The following UTP25 variants were observed in gnomAD, a reference collection of about 807,000 sequenced individuals.
UTP25 encodes U3 small nucleolar RNA-associated protein 25 homolog.
UTP25 carries 50 observed loss-of-function variants against 78.9 expected under a neutral mutation model. The observed-to-expected ratio is 0.63, with a 90% CI of 0.50 to 0.80. The LOEUF is 0.80. Among genes scored for constraint, UTP25 ranks in the 30% least tolerant of loss-of-function variants. UTP25 has a pLI of 0.00. For missense variants in UTP25, 846 were observed against 911.3 expected, an observed-to-expected ratio of 0.93 and a Z score of 0.92; for synonymous variants, 329 against 336.5, an observed-to-expected ratio of 0.98 and a Z score of 0.24.
At chr1:209,843,774 G>T in intron 11 of UTP25, 78 bp downstream of exon 11, 2 of 1,530,150 alleles carry the variant, frequency 1.3e-6, no homozygotes, top group Non-Finnish European at 8.8e-7. Context: ...TGAATGCATG[G>T]CAGGCTTCGT....
intron 3 of UTP25, among the ~76,000 whole-genome samples, 159 bp downstream of exon 3, chr1:209,831,202 A>G (rs1228019960): frequency 6.6e-6 from 1 of 152,218 alleles, no homozygotes; most frequent in African/African-American, 2.4e-5. Flanking sequence ...TGAGAATCTG[A>G]TGGAAACACA....
Position 209,853,899 on chromosome 1 carries a change from G to A in UTP25, c.*2452G>A, listed in dbSNP as rs2078255659. The A allele has an allele frequency of 6.6e-6, 1 of 152,206 alleles. No individual in the cohort carries two copies. Among genetic ancestry groups the A allele is most frequent in the African/African-American group, 2.4e-5 (1 of 41,434 alleles). The allele number at this position is 152,206 out of a possible 1,614,324, so 9.4% of individuals were successfully genotyped here. A position where few individuals can be genotyped will look rare whatever the true frequency, so the allele number is the denominator to read the frequency against. On this transcript the variant is annotated 3_prime_UTR_variant, in exon 12 of 12. Transcript: ENST00000491415. ...CCCAGCCAACTGCTTCTTGCCTGCAGAGAACACTGAGGATTTCAAGTGTGA... is the reference window on the plus strand; with the variant it reads ...CCCAGCCAACTGCTTCTTGCCTGCAAAGAACACTGAGGATTTCAAGTGTGA...
In UTP25 at chr1:209,856,190, G is replaced by C. The variant is rs990328156; in HGVS notation, c.*4743G>C. On this transcript the variant is annotated 3_prime_UTR_variant, in exon 12 of 12. Coordinates refer to ENST00000491415, the MANE Select transcript of UTP25 (RefSeq NM_014388.7). ...TGGAGTAATCCCCACTAGCCTTATA[G>C]AGGGACTGTGTGAGAAGGGAAGAGA... 1 of 152,226 alleles carries C rather than the reference G, an allele frequency of 6.6e-6. No homozygotes were observed. The allele number at this position is 152,226 out of a possible 1,614,324, so 9.4% of individuals were successfully genotyped here. A position where few individuals can be genotyped will look rare whatever the true frequency, so the allele number is the denominator to read the frequency against.
chr1:209,841,550 T>G (rs1044429398), intron 8 of UTP25, among the ~76,000 whole-genome samples: 5 of 152,248 alleles, frequency 3.3e-5, no homozygotes, highest in African/African-American at 1.2e-4. Flanking sequence ...TAATTTGTAC[T>G]GTAATTTTTT....
At chr1:209,828,241 A>G (rs616227) in intron 1 of UTP25, 71 bp downstream of exon 1, 624,571 of 1,182,102 alleles carry the variant, frequency 0.53, 167,622 homozygotes, top group Middle Eastern at 0.61. Context: ...CTGGTCTCCC[A>G]GATAGTGCTG....
intron 7 of UTP25, among the ~76,000 whole-genome samples, chr1:209,840,071 A>T (rs374496944): frequency 6.6e-6 from 1 of 152,324 alleles, no homozygotes; most frequent in East Asian, 1.9e-4. Flanking sequence ...ATGACCTATG[A>T]TTCACACAGG....
At chr1:209,841,533 C>T (rs2078167011) in intron 8 of UTP25, among the ~76,000 whole-genome samples, 1 of 152,112 alleles carries the variant, frequency 6.6e-6, no homozygotes, top group Non-Finnish European at 1.5e-5. Context: ...GTCTTTATTA[C>T]CCGATGTAAT....
chr1:209,856,874 C>T lies in UTP25; in HGVS notation c.*5427C>T, dbSNP rs1053549939. 6.6e-6 allele frequency: 1 copy of T among 152,230 alleles called. No homozygotes were observed. Among genetic ancestry groups the T allele is most frequent in the Admixed American group, 6.5e-5 (1 of 15,282 alleles). The allele number at this position is 152,230 out of a possible 1,614,324, so 9.4% of individuals were successfully genotyped here. A position where few individuals can be genotyped will look rare whatever the true frequency, so the allele number is the denominator to read the frequency against. ...GAACGAGGGAACACAAGTGTCTTCT[C>T]ATAAGATTTATAGAAACAGTGATCG... is the stretch of plus-strand genomic sequence containing the variant. On this transcript the variant is annotated 3_prime_UTR_variant, in exon 12 of 12. Transcript: ENST00000491415.
At chr1:209,848,505 G>C (rs1391500885) in intron 11 of UTP25, among the ~76,000 whole-genome samples, 1 of 152,004 alleles carries the variant, frequency 6.6e-6, no homozygotes, top group African/African-American at 2.4e-5. Flanking sequence ...ATAATAATAC[G>C]CAAAACATCC....
intron 11 of UTP25, among the ~76,000 whole-genome samples, chr1:209,846,257 A>C (rs1250852364): frequency 1.3e-5 from 2 of 152,210 alleles, no homozygotes; most frequent in Non-Finnish European, 2.9e-5. Flanking sequence ...TTTTTGAGTT[A>C]GCAAAAATTT....
At chr1:209,835,218 G>A (rs2078126622) in intron 5 of UTP25, 55 bp downstream of exon 5, 1 of 1,510,694 alleles carries the variant, frequency 6.6e-7, no homozygotes, top group South Asian at 1.1e-5. Flanking sequence ...AAATAAAACA[G>A]TGGTCTTGGG....
chr1:209,838,087 C>T (rs758926811), intron 6 of UTP25, among the ~76,000 whole-genome samples: 3 of 152,178 alleles, frequency 2.0e-5, no homozygotes, highest in African/African-American at 7.2e-5. Flanking sequence ...GCAACTGTAC[C>T]AAGCTGAGTC....
chr1:209,840,716 C>T, intron 7 of UTP25, 137 bp from the exon 8 acceptor site: 1 of 755,260 alleles, frequency 1.3e-6, no homozygotes, highest in East Asian at 2.5e-5. Context: ...ATAATTAAAG[C>T]AGTTGAGCAC....
At chr1:209,848,789 GC>G (rs1335928016) in intron 11 of UTP25, among the ~76,000 whole-genome samples, 1 of 152,128 alleles carries the variant, frequency 6.6e-6, no homozygotes, top group African/African-American at 2.4e-5. Flanking sequence ...GTCTTTTCTT[GC>G]TTTTTTGTGT....
chr1:209,853,284 A>G lies in UTP25; in HGVS notation c.*1837A>G, dbSNP rs2078251482. 6.6e-6 allele frequency: 1 copy of G among 151,844 alleles called. No individual in the cohort carries two copies. The highest frequency in any genetic ancestry group is 2.4e-5 in the African/African-American group (1 of 41,306). The allele number at this position is 151,844 out of a possible 1,614,324, so 9.4% of individuals were successfully genotyped here. A position where few individuals can be genotyped will look rare whatever the true frequency, so the allele number is the denominator to read the frequency against. The stretch of plus-strand genomic sequence containing the variant: ...TGCTGCTGTTTATCATAGATCCTGT[A>G]TATTATGAGAATAAGAAATGAGTTT... On this transcript the variant is annotated 3_prime_UTR_variant, in exon 12 of 12. Transcript: ENST00000491415.
chr1:209,847,141 A>G (rs529831711), intron 11 of UTP25, among the ~76,000 whole-genome samples: 52 of 152,310 alleles, frequency 3.4e-4, no homozygotes, highest in African/African-American at 1.3e-3. Flanking sequence ...AAAAATTCAA[A>G]GACTAACATT....
chr1:209,838,950 G>A lies in UTP25; in HGVS notation c.1104G>A (p.Val368=), dbSNP rs770943643. 3 of 1,614,072 alleles carry A rather than the reference G, an allele frequency of 1.9e-6. No individual in the cohort carries two copies. In the Admixed American group the frequency reaches 5.0e-5, roughly 27 times the overall value. ...VVPFREAALR[V]VQLFISLLEG... is the part of the protein sequence containing the mutation. ...CATTCCGGGAAGCTGCTTTGCGGGT[G>A]GTGCAGCTCTTCATCAGCCTCCTCG... The change falls in exon 7 of 12, where the codon GTG becomes GTA. Residue 368 remains valine (V), a synonymous_variant. Coordinates refer to ENST00000491415, the MANE Select transcript of UTP25 (RefSeq NM_014388.7).
rs749258166 is a variant in UTP25, at chr1:209,842,294, C to T, written c.1515C>T (p.Pro505=). 1 of 1,613,768 alleles carries T rather than the reference C, an allele frequency of 6.2e-7. No individual in the cohort carries two copies. The highest frequency in any genetic ancestry group is 1.3e-5 in the African/African-American group (1 of 74,898). ...TGATGAATCACATGAACCTACTACC[C>T]CTGGACTCACATGGGGTAGACTTTT... The part of the protein sequence containing the change: ...LHLMNHMNLL[P]LDSHGVDFSR... Residue 505 remains proline, a synonymous_variant, in exon 9 of 12, where the codon CCC becomes CCT. Coordinates refer to ENST00000491415, the MANE Select transcript of UTP25 (RefSeq NM_014388.7).
At chr1:209,845,164 A>G (rs1049391059) in intron 11 of UTP25, among the ~76,000 whole-genome samples, 9 of 152,350 alleles carry the variant, frequency 5.9e-5, no homozygotes, top group African/African-American at 2.2e-4. Flanking sequence ...CAAAGCTGGC[A>G]TGGCATGACC....
Sources: allele counts gnomAD v4.1 joint callset (sites outside exome capture counted in the v4.1 genomes callset), GRCh38; gene constraint gnomAD v4.1.1; transcripts MANE v1.5; gene names NCBI Gene and HGNC (gene_info 2026-07-23, HGNC 2026-07-21).